GRIK1: variants seen among roughly 807,000 people sequenced by gnomAD.
GRIK1 encodes the protein glutamate receptor ionotropic, kainate 1.
A neutral mutation model predicts 105.7 loss-of-function variants in GRIK1; 69 were observed. The ratio of observed to expected loss-of-function variants is 0.65; its 90% CI spans 0.54 to 0.80. The LOEUF (loss-of-function observed/expected upper bound fraction) is 0.80. GRIK1 is among the 30% of genes least tolerant of loss of function. The probability of loss-of-function intolerance (pLI) is 0.00; values close to 1 mark genes in which losing one functional copy is unlikely to be tolerated. For missense variants in GRIK1, 1,109 were observed against 1,167.3 expected (o/e 0.95, Z 0.73); for synonymous variants, 438 against 431.3 (o/e 1.02, Z -0.19).
chr21:29,731,082 G>A (rs1033791635), intron 1 of GRIK1, among the ~76,000 whole-genome samples: 1 of 152,124 alleles, frequency 6.6e-6, no homozygotes, highest in Non-Finnish European at 1.5e-5. Context: ...GTTAGAAGGA[G>A]GCAAATGAGG....
chr21:29,695,440 C>CAA (rs767690072), intron 1 of GRIK1, among the ~76,000 whole-genome samples: 3 of 124,298 alleles, frequency 2.4e-5, no homozygotes, highest in Non-Finnish European at 5.2e-5. Flanking sequence ...ATATCAATAT[C>CAA]TATCTATCTA....
intron 15 of GRIK1, among the ~76,000 whole-genome samples, chr21:29,558,379 C>A (rs1334873699): frequency 6.7e-6 from 1 of 149,942 alleles, no homozygotes; most frequent in African/African-American, 2.5e-5. Context: ...ATATATTTCA[C>A]ACACACACAC....
chr21:29,563,650 C>T (rs545408216), intron 14 of GRIK1, among the ~76,000 whole-genome samples: 73 of 152,246 alleles, frequency 4.8e-4, no homozygotes, highest in East Asian at 7.7e-4. Context: ...CTCATACAAG[C>T]GCAGAAAGGT....
intron 7 of GRIK1, among the ~76,000 whole-genome samples, chr21:29,610,663 C>T (rs903875745): frequency 6.6e-6 from 1 of 152,096 alleles, no homozygotes; most frequent in Non-Finnish European, 1.5e-5. Context: ...CCCAATGAGA[C>T]TTGTGTTAGA....
At chr21:29,888,161 T>TTTTA in intron 1 of GRIK1, among the ~76,000 whole-genome samples, 1 of 7,306 alleles carries the variant, frequency 1.4e-4, no homozygotes, top group Admixed American at 1.9e-3. Flanking sequence ...CTCCTTTCTT[T>TTTTA]TTTCTTTCTT....
chr21:29,816,738 A>C (rs933331699), intron 1 of GRIK1, among the ~76,000 whole-genome samples: 1 of 152,114 alleles, frequency 6.6e-6, no homozygotes, highest in Non-Finnish European at 1.5e-5. Context: ...GGAGCTAAGA[A>C]AGTCAATCCC....
chr21:29,676,113 C>T (rs2063261890), intron 3 of GRIK1, among the ~76,000 whole-genome samples: 1 of 152,032 alleles, frequency 6.6e-6, no homozygotes, highest in Non-Finnish European at 1.5e-5. Flanking sequence ...ATTTTAATAC[C>T]AATAGAGGAA....
At chr21:29,888,036 T>A (rs1601947459) in intron 1 of GRIK1, among the ~76,000 whole-genome samples, 1 of 150,926 alleles carries the variant, frequency 6.6e-6, no homozygotes, top group Non-Finnish European at 1.5e-5. Context: ...AAGCTAGAAA[T>A]GAGGGGCCTG....
intron 1 of GRIK1, among the ~76,000 whole-genome samples, chr21:29,793,715 G>A (rs1282369644): frequency 2.0e-5 from 3 of 152,096 alleles, no homozygotes; most frequent in Non-Finnish European, 2.9e-5. Context: ...CAAATTAGCT[G>A]AATTATAGAA....
chr21:29,570,008 G>A (rs960476285), intron 14 of GRIK1, among the ~76,000 whole-genome samples: 7 of 152,156 alleles, frequency 4.6e-5, no homozygotes, highest in African/African-American at 7.2e-5. Context: ...GCTATGAACT[G>A]ACTGATCTTT....
chr21:29,828,011 C>CTGTCTCTGTG (rs1555894948), intron 1 of GRIK1, among the ~76,000 whole-genome samples: 14 of 76,378 alleles, frequency 1.8e-4, no homozygotes, highest in African/African-American at 4.5e-4. Flanking sequence ...CTGTCTCTCT[C>CTGTCTCTGTG]TGTGTGTGTG....
chr21:29,884,012 A>G (rs1306078863), intron 1 of GRIK1, among the ~76,000 whole-genome samples: 1 of 152,002 alleles, frequency 6.6e-6, no homozygotes, highest in Non-Finnish European at 1.5e-5. Flanking sequence ...TATGTAATCT[A>G]TTGATAAGAA....
At chr21:29,703,928 T>TC (rs2063858696) in intron 1 of GRIK1, among the ~76,000 whole-genome samples, 1 of 152,210 alleles carries the variant, frequency 6.6e-6, no homozygotes, top group Non-Finnish European at 1.5e-5. Context: ...ATTAATTCAC[T>TC]AGGAATGGCC....
intron 9 of GRIK1, among the ~76,000 whole-genome samples, chr21:29,593,558 T>C (rs1174147551): frequency 6.6e-6 from 1 of 152,210 alleles, no homozygotes; most frequent in Non-Finnish European, 1.5e-5. Context: ...AATTGACTCC[T>C]AGCTCCATGA....
intron 7 of GRIK1, among the ~76,000 whole-genome samples, chr21:29,626,150 T>G (rs1314707604): frequency 6.6e-6 from 1 of 152,138 alleles, no homozygotes; most frequent in African/African-American, 2.4e-5. Flanking sequence ...AGGTCTAACA[T>G]TAAGGTGCCA....
intron 1 of GRIK1, among the ~76,000 whole-genome samples, chr21:29,923,579 TAA>T (rs1476139388): frequency 1.3e-5 from 2 of 152,218 alleles, no homozygotes; most frequent in African/African-American, 4.8e-5. Context: ...GAACAAAAGT[TAA>T]AGTCATCTTT....
At chr21:29,916,661 C>CTTTTTTTT (rs1468847345) in intron 1 of GRIK1, among the ~76,000 whole-genome samples, 1 of 151,872 alleles carries the variant, frequency 6.6e-6, no homozygotes, top group African/African-American at 2.4e-5. Flanking sequence ...AAACAGTTCT[C>CTTTTTTTT]TTGATAGTAA....
At position 29,821,515 on chromosome 21, in the gene GRIK1, G is replaced by A. The variant is rs189610336; in HGVS notation, c.118+117868C>T. Among the ~76,000 whole-genome samples the A allele has an allele frequency of 8.2e-4, 124 of 152,108 alleles. 1 individual carries two copies. The highest frequency in any genetic ancestry group is 2.8e-3 in the African/African-American group (115 of 41,518). On this transcript the variant is annotated intron_variant, in intron 1 of 17. Coordinates refer to ENST00000327783, the MANE Select transcript of GRIK1 (RefSeq NM_001330994.2). ...TGAAAAACACATGAGAACCATGAGAGGTCACTTTTTACTGAGGTTCACAAT... is the reference window on the plus strand; with the variant it reads ...TGAAAAACACATGAGAACCATGAGAAGTCACTTTTTACTGAGGTTCACAAT...
intron 12 of GRIK1, chr21:29,582,325 G>A (rs1320361674): frequency 4.3e-6 from 2 of 469,516 alleles, no homozygotes; most frequent in African/African-American, 4.0e-5. Flanking sequence ...CATGGCCTGT[G>A]GTCACTTAAT....
Sources: allele counts gnomAD v4.1 joint callset (sites outside exome capture counted in the v4.1 genomes callset), GRCh38; gene constraint gnomAD v4.1.1; transcripts MANE v1.5; gene names NCBI Gene and HGNC (gene_info 2026-07-23, HGNC 2026-07-21).